Variants in RGPD1 observed in about 807,000 individuals in gnomAD.
RGPD1 encodes RANBP2 like and GRIP domain containing 1.
RGPD1 carries 7 observed loss-of-function variants against 40.6 expected under a neutral mutation model. The ratio of observed to expected loss-of-function variants is 0.17; its 90% CI spans 0.10 to 0.32. RGPD1 has a LOEUF of 0.32. Among genes scored for constraint, RGPD1 ranks in the 10% least tolerant of loss-of-function variants. RGPD1 has a pLI of 1.00. For synonymous variants in RGPD1, 24 were observed against 167.0 expected, an observed-to-expected ratio of 0.14 and a Z score of 6.60; for missense variants, 50 against 472.5, an observed-to-expected ratio of 0.11 and a Z score of 8.29.
At chr2:86,945,038 G>A (rs1475403355) in intron 1 of RGPD1, among the ~76,000 whole-genome samples, 7 of 147,376 alleles carry the variant, frequency 4.7e-5, no homozygotes, top group Non-Finnish European at 1.0e-4. Flanking sequence ...TTTTAAACAA[G>A]CTTAAAAAAA....
At chr2:86,928,606 T>C (rs1326315147) in intron 1 of RGPD1, among the ~76,000 whole-genome samples, 7 of 152,208 alleles carry the variant, frequency 4.6e-5, no homozygotes, top group Non-Finnish European at 8.8e-5. Flanking sequence ...GTTTGATTGG[T>C]GTTAGAACCA....
intron 1 of RGPD1, among the ~76,000 whole-genome samples, chr2:86,943,120 C>T (rs1056763891): frequency 6.6e-6 from 1 of 151,328 alleles, no homozygotes; most frequent in Non-Finnish European, 1.5e-5. Flanking sequence ...TGAGCTTTGG[C>T]GGCTGTGTCG....
upstream of RGPD1, among the ~76,000 whole-genome samples, chr2:86,938,386 G>T (rs1679478814): frequency 8.6e-6 from 1 of 116,166 alleles, no homozygotes; most frequent in Admixed American, 7.8e-5. Context: ...TTCTTCCATG[G>T]CCCCAGTGTG....
At chr2:87,009,136 T>C in intron 22 of RGPD1, among the ~76,000 whole-genome samples, 1 of 105,220 alleles carries the variant, frequency 9.5e-6, no homozygotes, top group African/African-American at 3.9e-5. Flanking sequence ...AAACCCTGTC[T>C]CTACTAAAAA....
chr2:86,942,533 C>G lies in RGPD1; in HGVS notation c.72+225C>G, dbSNP rs1184049093. On this transcript the variant is annotated intron_variant, in intron 1 of 22. Transcript: ENST00000641458. The stretch of plus-strand genomic sequence containing the variant: ...GCCGGGCGGCGGCGGCGGCCTCGAC[C>G]TGGCCGGGCGGCGGCGGCGGCCTCG... Among the ~76,000 whole-genome samples the G allele has an allele frequency of 3.7e-3, 441 of 118,816 alleles. 24 individuals are homozygous for G. Among genetic ancestry groups the G allele is most frequent in the Middle Eastern group, 0.018 (4 of 218 alleles). 77.9% of individuals were successfully genotyped at this position (118,816 alleles called of 152,430 possible). A position where few individuals can be genotyped will look rare whatever the true frequency, so the allele number is the denominator to read the frequency against.
chr2:86,931,918 T>G (rs1678999898), intron 1 of RGPD1, among the ~76,000 whole-genome samples: 1 of 148,456 alleles, frequency 6.7e-6, no homozygotes, highest in Admixed American at 6.7e-5. Context: ...GAGAAGATAA[T>G]AATATATTCA....
chr2:86,992,909 CT>C (rs1263502641), intron 20 of RGPD1, among the ~76,000 whole-genome samples: 1 of 81,622 alleles, frequency 1.2e-5, no homozygotes, highest in African/African-American at 4.6e-5. Flanking sequence ...TGGTCTTGAA[CT>C]TGCTGACCTC....
At chr2:86,934,749 C>T (rs915317960) in intron 1 of RGPD1, 5 of 194,458 alleles carry the variant, frequency 2.6e-5, no homozygotes, top group African/African-American at 4.8e-5. Flanking sequence ...GCTGGGTTTC[C>T]GAAGACATGT....
rs753911867 is a variant in RGPD1, at chr2:86,929,689, CTTT to C, written c.72+15793_72+15795del. ...GTAACCTGACTCCAGAGCCCACACT[CTTT>C]TTTTTTTTTTTTTTTTTTTTTTTTA... On this transcript the variant is annotated intron_variant, in intron 1 of 22. Transcript: ENST00000398193. Among the ~76,000 whole-genome samples, 203 of 52,606 alleles carry C rather than the reference CTTT, an allele frequency of 3.9e-3. 2 individuals carry two copies. Among genetic ancestry groups the C allele is most frequent in the African/African-American group, 0.013 (194 of 14,902 alleles). 34.5% of individuals were successfully genotyped at this position (52,606 alleles called of 152,430 possible). A position where few individuals can be genotyped will look rare whatever the true frequency, so the allele number is the denominator to read the frequency against.
upstream of RGPD1, among the ~76,000 whole-genome samples, chr2:86,942,039 C>T (rs543808503): frequency 1.4e-4 from 22 of 151,776 alleles, no homozygotes; most frequent in African/African-American, 5.3e-4. Context: ...GCACAGGGTG[C>T]TGCCAAGAGC....
chr2:86,941,650 A>G (rs1195640716), upstream of RGPD1, among the ~76,000 whole-genome samples: 2 of 151,574 alleles, frequency 1.3e-5, no homozygotes, highest in African/African-American at 2.4e-5. Flanking sequence ...GGGCCTGCAT[A>G]TAGAGAGGTC....
At position 86,944,192 on chromosome 2, in the gene RGPD1, C is replaced by T. The variant is rs542602148; in HGVS notation, c.72+1884C>T. Among the ~76,000 whole-genome samples, 6 of 152,208 alleles carry T rather than the reference C, an allele frequency of 3.9e-5. No homozygotes were observed. In the South Asian group the frequency reaches 1.2e-3, roughly 32 times the overall value. On this transcript the variant is annotated intron_variant, in intron 1 of 22. Transcript: ENST00000641458. ...CTTGTTCAGGGTGAAATAGGTAGTG[C>T]AGCAGAATTTTGGCAGTGGGTCTGA... is the stretch of plus-strand genomic sequence containing the variant.
chr2:86,954,866 CT>C (rs1680642750), intron 4 of RGPD1, among the ~76,000 whole-genome samples: 3 of 128,114 alleles, frequency 2.3e-5, no homozygotes. Context: ...CATGCTGCCC[CT>C]TTTGTAGTCA....
At chr2:86,937,076 C>CTTTGTATGGCTTA (rs1679405139) in intron 1 of RGPD1, among the ~76,000 whole-genome samples, 1 of 129,946 alleles carries the variant, frequency 7.7e-6, no homozygotes, top group Non-Finnish European at 1.6e-5. Context: ...GGCTTATTAC[C>CTTTGTATGGCTTA]TTTGTAGGAA....
chr2:86,956,114 C>A, intron 4 of RGPD1, among the ~76,000 whole-genome samples: 1 of 131,800 alleles, frequency 7.6e-6, no homozygotes, highest in Non-Finnish European at 1.6e-5. Flanking sequence ...CTAAGGTAAA[C>A]AGTTTCTGAC....
rs1164495818 is a variant in RGPD1, at chr2:86,960,325, C to T, written c.779+1898C>T. On this transcript the variant is annotated intron_variant, in intron 6 of 22. Transcript: ENST00000641458. ...CCCCCTTGTGAACCTCCCAGGTTCA[C>T]GCCATTCTTCTGCCTCAGCCTCCTG... Among the ~76,000 whole-genome samples, 5 of 55,270 alleles carry T rather than the reference C, an allele frequency of 9.0e-5. 1 individual carries two copies. Among genetic ancestry groups the T allele is most frequent in the East Asian group, 9.9e-4 (2 of 2,014 alleles). 36.3% of individuals were successfully genotyped at this position (55,270 alleles called of 152,430 possible).
intron 1 of RGPD1, chr2:86,913,984 G>GGC (rs1677573855): frequency 1.0e-6 from 1 of 990,430 alleles, no homozygotes; most frequent in East Asian, 8.3e-5. Context: ...CGACCTGGCC[G>GGC]GGCGGCGGCG....
chr2:86,940,908 A>T (rs1679689102), upstream of RGPD1, among the ~76,000 whole-genome samples: 1 of 152,184 alleles, frequency 6.6e-6, no homozygotes. Flanking sequence ...CATTTCTGTT[A>T]ATGTGGGCCA....
chr2:87,010,605 TTAA>T (rs539246524), intron 22 of RGPD1, among the ~76,000 whole-genome samples: 1 of 8,708 alleles, frequency 1.1e-4, no homozygotes. Context: ...ATGTAACATT[TTAA>T]TAATAATAAT....
Sources: gnomAD v4.1 joint callset for allele counts (sites outside exome capture counted in the v4.1 genomes callset) on GRCh38, gnomAD v4.1.1 for gene constraint, MANE v1.5 for transcripts, NCBI Gene and HGNC (gene_info 2026-07-23, HGNC 2026-07-21) for gene names.